The following TRIO variants were observed in gnomAD, a reference collection of about 807,000 sequenced individuals.
TRIO encodes the protein triple functional domain protein.
TRIO carries 58 observed loss-of-function variants against 351.9 expected under a neutral mutation model. The observed-to-expected ratio is 0.16, with a 90% CI of 0.13 to 0.21. The LOEUF is 0.21. Ranked by LOEUF, TRIO falls within the 10% of genes least tolerant of loss-of-function variation. The probability of loss-of-function intolerance (pLI) is 1.00; values close to 1 mark genes in which losing one functional copy is unlikely to be tolerated. For missense variants in TRIO, 3,201 were observed against 4,027.8 expected (o/e 0.79, Z 5.56); for synonymous variants, 1,758 against 1,595.7 (o/e 1.10, Z -2.42).
chr5:14,273,420 A>G (rs1735211366), intron 2 of TRIO, among the ~76,000 whole-genome samples: 1 of 152,220 alleles, frequency 6.6e-6, no homozygotes, highest in East Asian at 1.9e-4. Flanking sequence ...TACTTCCTTC[A>G]TTTAGGATGA....
Position 14,462,769 on chromosome 5 carries a change from G to A in TRIO, c.5511G>A (p.Glu1837=). The A allele has an allele frequency of 6.2e-7, 1 of 1,614,176 alleles. No individual in the cohort carries two copies. Among genetic ancestry groups the A allele is most frequent in the Non-Finnish European group, 8.5e-7 (1 of 1,179,994 alleles). ...DETVEERGRN[E]GLSSGTLSKS... ...CTGGATTTCAGAGAGGCCGGAACGA[G>A]GGCCTGAGCAGCGGTACTCTCTCCA... Residue 1837 remains glutamate (E), a synonymous_variant, in exon 36 of 57, where the codon GAG becomes GAA. Transcript: ENST00000344204.
chr5:14,350,849 T>G (rs2152330832), intron 11 of TRIO, among the ~76,000 whole-genome samples: 1 of 152,260 alleles, frequency 6.6e-6, no homozygotes, highest in South Asian at 2.1e-4. Flanking sequence ...AAGACGATTT[T>G]TCCACAGACC....
intron 29 of TRIO, among the ~76,000 whole-genome samples, chr5:14,398,327 C>G (rs1747784652): frequency 6.6e-6 from 1 of 152,174 alleles, no homozygotes; most frequent in Non-Finnish European, 1.5e-5. Context: ...CAGACTGTCA[C>G]ATTCAGAGGA....
intron 1 of TRIO, among the ~76,000 whole-genome samples, chr5:14,191,342 A>C (rs932276688): frequency 3.3e-5 from 5 of 152,146 alleles, no homozygotes; most frequent in Non-Finnish European, 7.4e-5. Context: ...TTGTAATCCT[A>C]GTGCTTTGGG....
chr5:14,198,904 C>A (rs942974424), intron 1 of TRIO, among the ~76,000 whole-genome samples: 1 of 152,028 alleles, frequency 6.6e-6, no homozygotes, highest in Non-Finnish European at 1.5e-5. Flanking sequence ...CATGTATTTT[C>A]TTGGAGTTTG....
At position 14,504,390 on chromosome 5, in the gene TRIO, C is replaced by T. The variant is rs1757516624; in HGVS notation, c.8412-3C>T. ...CAAATGGTCCCCCTGACATATTTTA[C>T]AGGGGCAGATTCTCTGTCGTTAAGA... On this transcript the variant is annotated splice_polypyrimidine_tract_variant and splice_region_variant and intron_variant, in intron 54 of 56. Transcript: ENST00000344204. 1 of 1,614,084 alleles carries T rather than the reference C, an allele frequency of 6.2e-7. No individual in the cohort carries two copies. The highest frequency in any genetic ancestry group is 1.7e-5 in the Admixed American group (1 of 60,022).
rs542813765 is a variant in TRIO at position 14,237,048 on chromosome 5, G to A, written c.158-33777G>A. 2.6e-5 allele frequency among the ~76,000 whole-genome samples: 4 copies of A among 152,332 alleles called. No homozygotes were observed. In the East Asian group the frequency reaches 7.7e-4, roughly 29 times the overall value. On this transcript the variant is annotated intron_variant, in intron 1 of 56. Coordinates refer to ENST00000344204, the MANE Select transcript of TRIO (RefSeq NM_007118.4). ...GGGACCTGCCTGCTTGTCAGCATTA[G>A]AGAGTTATTCTCCCCTTTAAAGGAA... is the stretch of plus-strand genomic sequence containing the variant.
chr5:14,283,455 T>C (rs1333484215), intron 3 of TRIO, among the ~76,000 whole-genome samples: 1 of 152,256 alleles, frequency 6.6e-6, no homozygotes, highest in Non-Finnish European at 1.5e-5. Flanking sequence ...GAAAATGTGA[T>C]AATGACCTGT....
intron 18 of TRIO, among the ~76,000 whole-genome samples, chr5:14,370,733 C>T (rs754422660): frequency 3.3e-5 from 5 of 152,174 alleles, no homozygotes; most frequent in South Asian, 2.1e-4. Context: ...GTTATAACTA[C>T]GTCAACAGCT....
In TRIO at chr5:14,474,059, G is replaced by T; in HGVS notation, c.6045G>T (p.Val2015=). ...PDDMKGKDKI[V]FGNIHQIYDW... The stretch of plus-strand genomic sequence containing the variant: ...ACATGAAAGGAAAAGACAAAATTGT[G>T]TTCGGCAACATCCATCAGATTTACG... The change falls in exon 40 of 57, where the codon GTG becomes GTT. Residue 2015 remains valine, a synonymous_variant. Coordinates refer to ENST00000344204, the MANE Select transcript of TRIO (RefSeq NM_007118.4). The T allele has an allele frequency of 6.2e-6, 10 of 1,613,494 alleles. No individual in the cohort carries two copies. The highest frequency in any genetic ancestry group is 8.5e-6 in the Non-Finnish European group (10 of 1,179,486).
At chr5:14,174,174 G>C (rs1250462232) in intron 1 of TRIO, among the ~76,000 whole-genome samples, 1 of 152,214 alleles carries the variant, frequency 6.6e-6, no homozygotes, top group Non-Finnish European at 1.5e-5. Context: ...TGTTGCTGTG[G>C]TTGTTAACAG....
At chr5:14,334,350 G>A (rs149634263) in intron 10 of TRIO, among the ~76,000 whole-genome samples, 2 of 152,322 alleles carry the variant, frequency 1.3e-5, no homozygotes, top group East Asian at 1.9e-4. Context: ...GGCACCTTTT[G>A]TGCTGTCTCA....
chr5:14,498,910 C>G, intron 53 of TRIO: 1 of 369,000 alleles, frequency 2.7e-6, no homozygotes, highest in Non-Finnish European at 4.9e-6. Flanking sequence ...TGGTGAAGGC[C>G]TCTGGCTGCC....
intron 33 of TRIO, among the ~76,000 whole-genome samples, chr5:14,407,821 C>G (rs1294839863): frequency 6.6e-6 from 1 of 152,210 alleles, no homozygotes; most frequent in African/African-American, 2.4e-5. Context: ...ACAAAATGTT[C>G]TCTGTCAGCC....
chr5:14,367,106 C>T, intron 16 of TRIO, 127 bp downstream of exon 16: 1 of 1,329,148 alleles, frequency 7.5e-7, no homozygotes, highest in African/African-American at 1.5e-5. Context: ...ACTCAGAGGA[C>T]CCAAATTGGC....
At chr5:14,460,903 C>T (rs886545833) in intron 34 of TRIO, 116 bp from the exon 35 acceptor site, 7 of 1,266,976 alleles carry the variant, frequency 5.5e-6, no homozygotes, top group Non-Finnish European at 7.4e-6. Context: ...AGGCAAAGCC[C>T]GCTGACGAGG....
intron 34 of TRIO, among the ~76,000 whole-genome samples, chr5:14,454,961 C>T (rs1017345515): frequency 1.3e-5 from 2 of 151,652 alleles, no homozygotes; most frequent in South Asian, 2.1e-4. Context: ...AGTGTTACAG[C>T]GCTTAAGGTG....
chr5:14,298,534 T>C (rs934146730), intron 7 of TRIO, among the ~76,000 whole-genome samples: 1 of 152,166 alleles, frequency 6.6e-6, no homozygotes, highest in Non-Finnish European at 1.5e-5. Context: ...GGAAATAGTA[T>C]CTCTTTCATC....
chr5:14,217,727 C>G (rs1454201749), intron 1 of TRIO, among the ~76,000 whole-genome samples: 1 of 151,990 alleles, frequency 6.6e-6, no homozygotes, highest in East Asian at 1.9e-4. Context: ...TTGCTGCAGC[C>G]CTGTGTGGCT....
Sources: gnomAD v4.1 joint callset for allele counts (sites outside exome capture counted in the v4.1 genomes callset) on GRCh38, gnomAD v4.1.1 for gene constraint, MANE v1.5 for transcripts, NCBI Gene and HGNC (gene_info 2026-07-23, HGNC 2026-07-21) for gene names.